PRKN: variants seen among roughly 807,000 people sequenced by gnomAD.
PRKN encodes parkin RBR E3 ubiquitin protein ligase.
PRKN carries 56 observed loss-of-function variants against 59.5 expected under a neutral mutation model. The observed-to-expected ratio is 0.94, with a 90% confidence interval of 0.76 to 1.18. PRKN has a LOEUF of 1.18. PRKN is among the 50% of genes most tolerant of loss of function. The pLI, the probability that PRKN is intolerant of heterozygous loss-of-function variation, is 0.00. For synonymous variants in PRKN, 250 were observed against 222.1 expected, an observed-to-expected ratio of 1.13 and a Z score of -1.12; for missense variants, 657 against 596.4, an observed-to-expected ratio of 1.10 and a Z score of -1.06.
chr6:161,917,204 C>A (rs990418383), intron 6 of PRKN, among the ~76,000 whole-genome samples: 2 of 149,952 alleles, frequency 1.3e-5, no homozygotes, highest in Non-Finnish European at 3.0e-5. Context: ...CTCCAGGGCT[C>A]AAGTAATTCT....
chr6:161,838,057 C>T (rs1359539853), intron 6 of PRKN, among the ~76,000 whole-genome samples: 1 of 152,132 alleles, frequency 6.6e-6, no homozygotes, highest in East Asian at 1.9e-4. Flanking sequence ...GGCTCTGCCT[C>T]AAGTGTTTCT....
rs527256154 is a variant in PRKN at position 161,552,173 on chromosome 6, A to G, written c.934-3170T>C. On this transcript the variant is annotated intron_variant, in intron 8 of 11. Coordinates refer to ENST00000366898, the MANE Select transcript of PRKN (RefSeq NM_004562.3). The surrounding 1 kb of genome is among the most constrained non-coding windows in gnomAD (Gnocchi z 4.9). ...TTCTCTGCACCAACACTGAGCTGCA[A>G]AGGCAAAGTAGAAAGAATGGTGGAT... 5.9e-5 allele frequency among the ~76,000 whole-genome samples: 9 copies of G among 152,250 alleles called. No individual in the cohort carries two copies. The highest frequency in any genetic ancestry group is 1.2e-4 in the Non-Finnish European group (8 of 68,042).
intron 9 of PRKN, among the ~76,000 whole-genome samples, chr6:161,509,641 A>G (rs62436446): frequency 0.8 from 120,352 of 151,328 alleles, 48,129 homozygotes; most frequent in Middle Eastern, 0.86. Flanking sequence ...ACACTTGGTG[A>G]GAGGCCGAGG....
chr6:162,224,502 C>T (rs1158154483), intron 3 of PRKN, among the ~76,000 whole-genome samples: 2 of 152,104 alleles, frequency 1.3e-5, no homozygotes, highest in African/African-American at 4.8e-5. Flanking sequence ...GAATGCATCC[C>T]CCTCAAAAAG....
chr6:161,448,617 A>AT lies in PRKN; in HGVS notation c.1084-61741dup, dbSNP rs1789597730. ...GTAGCATCTATGCTGACGTTCCCGT[A>AT]TATCTTTTCCATCCAAATATTTGCA... On this transcript the variant is annotated intron_variant, in intron 9 of 11. Coordinates refer to ENST00000366898, the MANE Select transcript of PRKN (RefSeq NM_004562.3). The surrounding 1 kb of genome is among the most constrained non-coding windows in gnomAD (Gnocchi z 5.1). Among the ~76,000 whole-genome samples, 1 of 152,134 alleles carries AT rather than the reference A, an allele frequency of 6.6e-6. No homozygotes were observed. Among genetic ancestry groups the AT allele is most frequent in the African/African-American group, 2.4e-5 (1 of 41,416 alleles).
intron 4 of PRKN, among the ~76,000 whole-genome samples, chr6:162,068,762 A>T (rs1199274722): frequency 7.7e-6 from 1 of 129,362 alleles, no homozygotes; most frequent in Admixed American, 9.9e-5. Context: ...AAATCAAATC[A>T]CTTTTGCTGT....
chr6:161,732,692 C>T (rs1265735512), intron 7 of PRKN, among the ~76,000 whole-genome samples: 1 of 152,172 alleles, frequency 6.6e-6, no homozygotes, highest in African/African-American at 2.4e-5. Context: ...TAATGGCCGT[C>T]ACCTCCATCC....
chr6:162,696,988 C>A (rs918855925), intron 1 of PRKN, among the ~76,000 whole-genome samples: 1 of 152,092 alleles, frequency 6.6e-6, no homozygotes, highest in Admixed American at 6.6e-5. Flanking sequence ...TAAATATTAA[C>A]AATGCTTCCT....
chr6:162,017,789 C>T (rs1737482588), intron 5 of PRKN, among the ~76,000 whole-genome samples: 1 of 152,124 alleles, frequency 6.6e-6, no homozygotes, highest in Non-Finnish European at 1.5e-5. Flanking sequence ...TTCAAAATTT[C>T]ATACTTAACC....
intron 6 of PRKN, among the ~76,000 whole-genome samples, chr6:161,923,554 C>T (rs113543161): frequency 4.0e-3 from 603 of 152,274 alleles, no homozygotes; most frequent in African/African-American, 0.013. Flanking sequence ...AAAAACTGTT[C>T]TTCACCTAGG....
At chr6:161,586,423 C>T (rs534455890) in intron 7 of PRKN, among the ~76,000 whole-genome samples, 4 of 152,260 alleles carry the variant, frequency 2.6e-5, no homozygotes, top group East Asian at 3.9e-4. Context: ...ACGTTTACTC[C>T]AGCTACCCTG....
At chr6:161,602,856 C>G (rs893246787) in intron 7 of PRKN, among the ~76,000 whole-genome samples, 1 of 152,162 alleles carries the variant, frequency 6.6e-6, no homozygotes, top group African/African-American at 2.4e-5. Flanking sequence ...AAGATCTAAT[C>G]CTTGCCCTCA....
At chr6:162,382,787 T>G (rs1786561136) in intron 2 of PRKN, among the ~76,000 whole-genome samples, 1 of 152,208 alleles carries the variant, frequency 6.6e-6, no homozygotes, top group Admixed American at 6.5e-5. Context: ...AGAATGTATT[T>G]TCAAATTTGG....
chr6:162,388,902 T>C (rs1035861487), intron 2 of PRKN, among the ~76,000 whole-genome samples: 2 of 150,792 alleles, frequency 1.3e-5, no homozygotes, highest in South Asian at 2.1e-4. Context: ...ACTTACCCAC[T>C]GTCCAGTCCA....
In PRKN at chr6:162,304,084, G is replaced by GC. The variant is rs1554297759; in HGVS notation, c.172-41320_172-41319insG. The stretch of plus-strand genomic sequence containing the variant: ...GGATATCATTACCTCTGTGAAGGGA[G>GC]AAAAAAAAAGAAATAGAAGTAATCC... On this transcript the variant is annotated intron_variant, in intron 2 of 11. Transcript: ENST00000366898. Among the ~76,000 whole-genome samples, 3 of 147,478 alleles carry GC rather than the reference G, an allele frequency of 2.0e-5. No homozygotes were observed. The South Asian group carries it at 6.4e-4, about 31-fold the overall frequency.
At chr6:161,973,109 T>C (rs562276873) in intron 6 of PRKN, among the ~76,000 whole-genome samples, 193 bp downstream of exon 6, 53 of 152,310 alleles carry the variant, frequency 3.5e-4, no homozygotes, top group African/African-American at 1.2e-3. Flanking sequence ...TTAAATTGTT[T>C]CCTCACATTA....
chr6:162,544,976 C>T (rs904195055), intron 1 of PRKN, among the ~76,000 whole-genome samples: 1 of 150,386 alleles, frequency 6.6e-6, no homozygotes, highest in African/African-American at 2.4e-5. Flanking sequence ...CGCGCCCGGC[C>T]TCAAGTTCAT....
intron 2 of PRKN, among the ~76,000 whole-genome samples, chr6:162,279,761 T>C (rs996284808): frequency 6.6e-6 from 1 of 152,192 alleles, no homozygotes; most frequent in Non-Finnish European, 1.5e-5. Flanking sequence ...TGTTTAATAC[T>C]GACAGTGGGG....
At chr6:161,659,344 A>T (rs938906015) in intron 7 of PRKN, among the ~76,000 whole-genome samples, 3 of 152,184 alleles carry the variant, frequency 2.0e-5, no homozygotes, top group African/African-American at 7.2e-5. Flanking sequence ...GACTCATTTG[A>T]GCCTTGCACA....
Sources: allele counts gnomAD v4.1 joint callset (sites outside exome capture counted in the v4.1 genomes callset), GRCh38; gene constraint gnomAD v4.1.1; non-coding constraint Gnocchi (gnomAD v3.1); transcripts MANE v1.5; gene names NCBI Gene and HGNC (gene_info 2026-07-23, HGNC 2026-07-21).